Variants in ITGA2 observed in about 807,000 individuals in gnomAD.
ITGA2 encodes integrin subunit alpha 2, also known as integrin alpha-2.
In ITGA2, 101 loss-of-function variants were observed where a neutral mutation model predicts 146.3. The ratio of observed to expected loss-of-function variants is 0.69; its 90% CI spans 0.59 to 0.81. The LOEUF (loss-of-function observed/expected upper bound fraction) is 0.81, where lower values mean the gene tolerates loss of function less well. Among genes scored for constraint, ITGA2 ranks in the 40% least tolerant of loss-of-function variants. The pLI is 0.00. For synonymous variants in ITGA2, 477 were observed against 487.1 expected, an observed-to-expected ratio of 0.98 and a Z score of 0.27; for missense variants, 1,281 against 1,402.7, an observed-to-expected ratio of 0.91 and a Z score of 1.39.
intron 1 of ITGA2, among the ~76,000 whole-genome samples, chr5:53,018,446 G>A (rs1356492466): frequency 6.6e-6 from 1 of 152,056 alleles, no homozygotes; most frequent in Non-Finnish European, 1.5e-5. Context: ...TGGGGACCAG[G>A]AAGGATTCCT....
At chr5:53,089,218 T>C (rs1740287996) in intron 28 of ITGA2, 3 of 152,150 alleles carry the variant, frequency 2.0e-5, no homozygotes, top group Non-Finnish European at 4.4e-5. Flanking sequence ...CCTCTTCTTT[T>C]GCTTCTAAAT....
intron 23 of ITGA2, among the ~76,000 whole-genome samples, chr5:53,077,800 G>C (rs1745729223): frequency 1.3e-5 from 2 of 152,000 alleles, no homozygotes; most frequent in South Asian, 4.1e-4. Flanking sequence ...CAAGGTTTTA[G>C]TAAAGAAACC....
At chr5:53,087,063 C>T in intron 28 of ITGA2, 22 bp downstream of exon 28, 1 of 1,552,348 alleles carries the variant, frequency 6.4e-7, no homozygotes, top group Non-Finnish European at 8.9e-7. Context: ...ACACCCTTCC[C>T]TGTGAGCCTC....
chr5:53,002,453 A>G (rs966760589), intron 1 of ITGA2, among the ~76,000 whole-genome samples: 1 of 152,196 alleles, frequency 6.6e-6, no homozygotes, highest in African/African-American at 2.4e-5. Context: ...TTATATGAAT[A>G]TAATCTTTTC....
chr5:53,049,947 T>C lies in ITGA2; in HGVS notation c.630+1177T>C, dbSNP rs3212495. On this transcript the variant is annotated intron_variant, in intron 6 of 29. Coordinates refer to ENST00000296585, the MANE Select transcript of ITGA2 (RefSeq NM_002203.4). ...CTATTATAACATGTTGTTATATGTT[T>C]CTCCCATTGAAATTGCTTTTCAGTA... Among the ~76,000 whole-genome samples the C allele has an allele frequency of 6.0e-3, 915 of 152,340 alleles. 8 individuals carry two copies. The highest frequency in any genetic ancestry group is 0.021 in the African/African-American group (876 of 41,576).
intron 6 of ITGA2, among the ~76,000 whole-genome samples, 171 bp from the exon 7 acceptor site, chr5:53,051,240 G>T (rs1283417013): frequency 1.3e-5 from 2 of 152,178 alleles, no homozygotes; most frequent in African/African-American, 2.4e-5. Flanking sequence ...CTCTAACAGA[G>T]AAGAAATCAT....
In ITGA2 at chr5:53,059,991, A is replaced by G; in HGVS notation, c.1291A>G (p.Arg431Gly). The G allele has an allele frequency of 6.2e-7, 1 of 1,612,300 alleles. No individual in the cohort carries two copies. The highest frequency in any genetic ancestry group is 2.2e-5 in the East Asian group (1 of 44,752). Residue 431 changes from arginine (R) to glycine (G), a missense_variant, in exon 11 of 30, where the codon AGA (arginine) becomes GGA (glycine). Around this residue, in one of 3 missense-constraint regions of ITGA2, gnomAD observed 795 missense variants for 841.7 expected, o/e 0.94. Transcript: ENST00000296585. ...KQAFDQILQD[R>G]NHSSYLGYSV... Reference sequence around the variant, plus strand: ...AGCCTTTGACCAAATTCTGCAGGACAGAAATCACAGTTCATATTTAGGTAA... The same window carrying G: ...AGCCTTTGACCAAATTCTGCAGGACGGAAATCACAGTTCATATTTAGGTAA...
Position 53,051,524 on chromosome 5 carries a change from C to A in ITGA2, c.744C>A (p.Asp248Glu). The A allele has an allele frequency of 6.2e-7, 1 of 1,613,520 alleles. No individual in the cohort carries two copies. Among genetic ancestry groups the A allele is most frequent in the Non-Finnish European group, 8.5e-7 (1 of 1,179,716 alleles). ...CCCAGACATCCCAATATGGTGGGGACCTCACAAACACATTCGGAGCAATTC... is the reference window on the plus strand; with the variant it reads ...CCCAGACATCCCAATATGGTGGGGAACTCACAAACACATTCGGAGCAATTC... ...ATSQTSQYGG[D>E]LTNTFGAIQY... The change falls in exon 7 of 30, where the codon GAC becomes GAA. Residue 248 changes from aspartate to glutamate, a missense_variant. By Grantham distance (45) the Asp-to-Glu change is conservative. Around this residue, in one of 3 missense-constraint regions of ITGA2, gnomAD observed 795 missense variants for 841.7 expected, o/e 0.94. Coordinates refer to ENST00000296585, the MANE Select transcript of ITGA2 (RefSeq NM_002203.4).
At chr5:53,033,432 C>A (rs1050763811) in intron 2 of ITGA2, among the ~76,000 whole-genome samples, 3 of 152,046 alleles carry the variant, frequency 2.0e-5, no homozygotes, top group Non-Finnish European at 4.4e-5. Flanking sequence ...ATAATCATGT[C>A]TTTGTCTTTT....
chr5:53,057,999 A>G, intron 9 of ITGA2, 26 bp from the exon 10 acceptor site: 2 of 1,565,160 alleles, frequency 1.3e-6, no homozygotes, highest in Non-Finnish European at 1.8e-6. Context: ...TGACAGTAAT[A>G]CAATTTTTAA....
At chr5:53,084,184 T>TG (rs1746047875) in intron 27 of ITGA2, among the ~76,000 whole-genome samples, 1 of 152,320 alleles carries the variant, frequency 6.6e-6, no homozygotes, top group East Asian at 1.9e-4. Flanking sequence ...CTCCTTAAAC[T>TG]GGACTGCTTG....
chr5:53,047,271 A>AT (rs35599315), intron 4 of ITGA2, among the ~76,000 whole-genome samples: 1 of 152,120 alleles, frequency 6.6e-6, no homozygotes, highest in African/African-American at 2.4e-5. Flanking sequence ...TTCTGTAGGC[A>AT]TTTTTTAGGA....
chr5:53,058,209 T>C lies in ITGA2; in HGVS notation c.1173+108T>C, dbSNP rs1248745958. On this transcript the variant is annotated intron_variant, in intron 10 of 29. Coordinates refer to ENST00000296585, the MANE Select transcript of ITGA2 (RefSeq NM_002203.4). ...AGACAGCCATCTAGGGATCAGCCCT[T>C]CTGATTCCTAGTCACGGTCATTTAG... 3 of 819,328 alleles carry C rather than the reference T, an allele frequency of 3.7e-6. No individual in the cohort carries two copies. The African/African-American group carries it at 5.1e-5, about 14-fold the overall frequency. The allele number at this position is 819,328 out of a possible 1,614,324, so 50.8% of individuals were successfully genotyped here.
chr5:53,083,501 A>C (rs1331347840), intron 27 of ITGA2, 48 bp downstream of exon 27: 3 of 1,125,274 alleles, frequency 2.7e-6, no homozygotes, highest in Non-Finnish European at 4.1e-6. Context: ...AAGGAAACAT[A>C]AGTCTGCACT....
chr5:53,088,685 CA>C (rs5867861), intron 28 of ITGA2, among the ~76,000 whole-genome samples: 24,459 of 105,574 alleles, frequency 0.23, 2,110 homozygotes, highest in South Asian at 0.29. Flanking sequence ...GACTCTGTCT[CA>C]AAAAAAAAAA....
At position 53,055,968 on chromosome 5, in the gene ITGA2, TTCC is replaced by T. The variant is rs764822943; in HGVS notation, c.931-13_931-11del. 4.4e-6 allele frequency: 7 copies of T among 1,605,734 alleles called. No individual in the cohort carries two copies. Among genetic ancestry groups the T allele is most frequent in the Non-Finnish European group, 3.4e-6 (4 of 1,175,270 alleles). On this transcript the variant is annotated splice_polypyrimidine_tract_variant and intron_variant, in intron 8 of 29. Transcript: ENST00000296585. ...ACAGCAGTAATGACTGCACATTCTC[TTCC>T]TCTATTTTCAAGGTTCTTGGGTACT...
intron 13 of ITGA2, 99 bp from the exon 14 acceptor site, chr5:53,064,813 G>A (rs1262074274): frequency 8.8e-7 from 1 of 1,135,518 alleles, no homozygotes; most frequent in African/African-American, 1.5e-5. Flanking sequence ...TGGAGTCTTT[G>A]GGATTACAGG....
chr5:53,066,696 C>T (rs1398327607), intron 15 of ITGA2, among the ~76,000 whole-genome samples: 4 of 151,738 alleles, frequency 2.6e-5, no homozygotes, highest in African/African-American at 9.7e-5. Context: ...CTCACTTGTG[C>T]TTTTAAAGAA....
intron 15 of ITGA2, 150 bp from the exon 16 acceptor site, chr5:53,066,968 G>C: frequency 5.5e-6 from 4 of 731,880 alleles, no homozygotes; most frequent in Non-Finnish European, 9.1e-6. Flanking sequence ...CCATCTTAGA[G>C]CTTTCAAATA....
Sources: allele counts gnomAD v4.1 joint callset (sites outside exome capture counted in the v4.1 genomes callset), GRCh38; gene constraint gnomAD v4.1.1; regional missense constraint gnomAD v4.1.1; transcripts MANE v1.5; gene names NCBI Gene and HGNC (gene_info 2026-07-23, HGNC 2026-07-21).